CTTNBP2NL: variants seen among roughly 807,000 people sequenced by gnomAD.
The protein encoded by CTTNBP2NL is CTTNBP2 N-terminal like.
In CTTNBP2NL, 16 loss-of-function variants were observed where a neutral mutation model predicts 32.5. The observed-to-expected ratio is 0.49, with a 90% CI of 0.33 to 0.75. CTTNBP2NL has a LOEUF of 0.75. Among genes scored for constraint, CTTNBP2NL ranks in the 30% least tolerant of loss-of-function variants. CTTNBP2NL has a pLI of 0.02. For missense variants in CTTNBP2NL, 645 were observed against 756.0 expected (o/e 0.85, Z 1.72); for synonymous variants, 298 against 289.4 (o/e 1.03, Z -0.30).
At chr1:112,421,052 CAG>C (rs1274728415) in intron 3 of CTTNBP2NL, among the ~76,000 whole-genome samples, 1 of 152,074 alleles carries the variant, frequency 6.6e-6, no homozygotes, top group Non-Finnish European at 1.5e-5. Context: ...TTGAAGTGCT[CAG>C]TGCTCATTTA....
At chr1:112,399,318 C>CAA (rs72332884) in intron 1 of CTTNBP2NL, among the ~76,000 whole-genome samples, 11,584 of 77,816 alleles carry the variant, frequency 0.15, 983 homozygotes, top group Middle Eastern at 0.21. Flanking sequence ...GACTCTGTCT[C>CAA]AAAAAAAAAA....
chr1:112,411,141 T>C (rs1296601995), intron 1 of CTTNBP2NL, among the ~76,000 whole-genome samples: 1 of 152,198 alleles, frequency 6.6e-6, no homozygotes, highest in Non-Finnish European at 1.5e-5. Flanking sequence ...AATTCATACT[T>C]CCTGTCCTAA....
upstream of CTTNBP2NL, among the ~76,000 whole-genome samples, chr1:112,393,241 T>C (rs1382152798): frequency 1.3e-5 from 2 of 152,204 alleles, no homozygotes; most frequent in Non-Finnish European, 2.9e-5. Flanking sequence ...TAGAAACTAC[T>C]ATAGTTGATG....
intron 3 of CTTNBP2NL, among the ~76,000 whole-genome samples, chr1:112,440,108 C>T (rs186768108): frequency 2.0e-5 from 3 of 152,260 alleles, no homozygotes; most frequent in African/African-American, 7.2e-5. Context: ...TACACAGTAC[C>T]CAGCAAACAT....
intron 1 of CTTNBP2NL, among the ~76,000 whole-genome samples, chr1:112,403,203 T>G (rs1033371480): frequency 2.0e-5 from 3 of 152,232 alleles, no homozygotes; most frequent in Non-Finnish European, 4.4e-5. Flanking sequence ...TTTTCCCGAC[T>G]ACTCTTTCTG....
At chr1:112,443,135 T>C (rs1353888602) in intron 3 of CTTNBP2NL, among the ~76,000 whole-genome samples, 1 of 152,266 alleles carries the variant, frequency 6.6e-6, no homozygotes, top group Non-Finnish European at 1.5e-5. Context: ...TCTGTCCTTA[T>C]GTAAATAATT....
intron 3 of CTTNBP2NL, among the ~76,000 whole-genome samples, chr1:112,447,187 T>C (rs1650071154): frequency 6.9e-6 from 1 of 144,190 alleles, no homozygotes. Flanking sequence ...GGCAGGAGAA[T>C]GGCGTGAACC....
chr1:112,395,856 C>T (rs1388399638), upstream of CTTNBP2NL, among the ~76,000 whole-genome samples: 2 of 152,260 alleles, frequency 1.3e-5, no homozygotes, highest in Non-Finnish European at 2.9e-5. Context: ...GCCACCAGAG[C>T]CCTCCATTCC....
At chr1:112,431,872 AC>A (rs1311834495) in intron 3 of CTTNBP2NL, among the ~76,000 whole-genome samples, 1 of 152,020 alleles carries the variant, frequency 6.6e-6, no homozygotes, top group Non-Finnish European at 1.5e-5. Context: ...GGCTGGGCAC[AC>A]AGGATCACTT....
chr1:112,432,970 C>T (rs559875469), intron 3 of CTTNBP2NL, among the ~76,000 whole-genome samples: 21 of 152,192 alleles, frequency 1.4e-4, no homozygotes, highest in African/African-American at 3.9e-4. Context: ...AGCATTCAAC[C>T]GTGTTGACCA....
upstream of CTTNBP2NL, among the ~76,000 whole-genome samples, chr1:112,395,127 T>C (rs140415672): frequency 2.6e-3 from 402 of 152,354 alleles, 1 homozygote; most frequent in Admixed American, 6.7e-3. Flanking sequence ...TCCCTAATGC[T>C]GTCTTGCGAA....
chr1:112,392,185 G>C (rs889337285), upstream of CTTNBP2NL, among the ~76,000 whole-genome samples: 5 of 152,144 alleles, frequency 3.3e-5, no homozygotes, highest in African/African-American at 9.7e-5. Context: ...TTTGGAATCA[G>C]ATCTAAGTAA....
In CTTNBP2NL at chr1:112,456,670, C is replaced by T; in HGVS notation, c.1178C>T (p.Pro393Leu). 1 of 1,614,124 alleles carries T rather than the reference C, an allele frequency of 6.2e-7. No individual in the cohort carries two copies. Among genetic ancestry groups the T allele is most frequent in the Non-Finnish European group, 8.5e-7 (1 of 1,180,024 alleles). The change falls in exon 6 of 6, where the codon CCT becomes CTT. Residue 393 changes from proline (P) to leucine (L), a missense_variant. Transcript: ENST00000271277. ...AAACCAGTGGAGAATGGTGGGTGTCCTGTGGGGATTGAGACTCCAGTCCCA... is the reference window on the plus strand; with the variant it reads ...AAACCAGTGGAGAATGGTGGGTGTCTTGTGGGGATTGAGACTCCAGTCCCA... ...QEKPVENGGC[P>L]VGIETPVPMP...
At chr1:112,401,017 C>T (rs1648483547) in intron 1 of CTTNBP2NL, among the ~76,000 whole-genome samples, 1 of 149,460 alleles carries the variant, frequency 6.7e-6, no homozygotes, top group East Asian at 1.9e-4. Flanking sequence ...CACACATACA[C>T]GTGCACATAT....
chr1:112,450,762 C>T (rs538730976), intron 4 of CTTNBP2NL, among the ~76,000 whole-genome samples: 1,564 of 136,368 alleles, frequency 0.011, 40 homozygotes, highest in African/African-American at 0.04. Context: ...AAGTACCTAT[C>T]TATTCTTTTT....
At chr1:112,444,745 A>G (rs185166997) in intron 3 of CTTNBP2NL, among the ~76,000 whole-genome samples, 5 of 152,244 alleles carry the variant, frequency 3.3e-5, no homozygotes, top group African/African-American at 1.2e-4. Flanking sequence ...TATCATTAAT[A>G]TATTACAACT....
At chr1:112,437,360 T>C (rs1649764836) in intron 3 of CTTNBP2NL, among the ~76,000 whole-genome samples, 1 of 152,240 alleles carries the variant, frequency 6.6e-6, no homozygotes, top group South Asian at 2.1e-4. Flanking sequence ...GTGGTTTTGA[T>C]TTGCATTTCT....
At chr1:112,399,318 C>CAAAAAAAAAAAAAAAAA (rs72332884) in intron 1 of CTTNBP2NL, among the ~76,000 whole-genome samples, 1 of 78,050 alleles carries the variant, frequency 1.3e-5, no homozygotes. Flanking sequence ...GACTCTGTCT[C>CAAAAAAAAAAAAAAAAA]AAAAAAAAAA....
intron 3 of CTTNBP2NL, among the ~76,000 whole-genome samples, chr1:112,439,853 C>A (rs1649847559): frequency 6.6e-6 from 1 of 152,182 alleles, no homozygotes; most frequent in South Asian, 2.1e-4. Flanking sequence ...TGGCCTTTTC[C>A]TTCCTATTCC....
Sources: gnomAD v4.1 joint callset for allele counts (sites outside exome capture counted in the v4.1 genomes callset) on GRCh38, gnomAD v4.1.1 for gene constraint, MANE v1.5 for transcripts, NCBI Gene and HGNC (gene_info 2026-07-23, HGNC 2026-07-21) for gene names.